The following PTPRT variants were observed in gnomAD, a reference collection of about 807,000 sequenced individuals.
PTPRT encodes protein tyrosine phosphatase receptor type T, also known as receptor-type tyrosine-protein phosphatase T.
In PTPRT, 56 loss-of-function variants were observed where a neutral mutation model predicts 176.8. The observed-to-expected ratio is 0.32, with a 90% CI of 0.26 to 0.40. PTPRT has a LOEUF of 0.40. Ranked by LOEUF, PTPRT falls within the 10% of genes least tolerant of loss-of-function variation. The probability of loss-of-function intolerance (pLI) is 1.00; values close to 1 mark genes in which losing one functional copy is unlikely to be tolerated. For missense variants in PTPRT, 1,540 were observed against 1,908.2 expected (o/e 0.81, Z 3.60); for synonymous variants, 783 against 739.0 (o/e 1.06, Z -0.96).
chr20:43,138,566 C>T (rs892746827), intron 1 of PTPRT, among the ~76,000 whole-genome samples: 1 of 152,178 alleles, frequency 6.6e-6, no homozygotes, highest in Non-Finnish European at 1.5e-5. Flanking sequence ...CAGGTGGGCC[C>T]CTCCATAAGT....
chr20:42,698,652 T>C (rs1005859418), intron 6 of PTPRT, among the ~76,000 whole-genome samples: 1 of 152,166 alleles, frequency 6.6e-6, no homozygotes, highest in Non-Finnish European at 1.5e-5. Context: ...TTGTCAAAAA[T>C]TCCCTAGTTG....
rs931945875 is a variant in PTPRT, at chr20:42,236,356, T to G, written c.2313-98A>C. 3 of 1,056,708 alleles carry G rather than the reference T, an allele frequency of 2.8e-6. No individual in the cohort carries two copies. The African/African-American group carries it at 4.8e-5, about 17-fold the overall frequency. The allele number at this position is 1,056,708 out of a possible 1,614,324, so 65.5% of individuals were successfully genotyped here. ...ATTAGATTTTTAATGAAATCTTGAT[T>G]CTTAGAAATGCACATATTATTTCAG... is the stretch of plus-strand genomic sequence containing the variant. On this transcript the variant is annotated intron_variant, in intron 14 of 30. Coordinates refer to ENST00000373187, the MANE Select transcript of PTPRT (RefSeq NM_007050.6).
chr20:42,573,877 T>C (rs1399113706), intron 7 of PTPRT, among the ~76,000 whole-genome samples: 1 of 151,034 alleles, frequency 6.6e-6, no homozygotes, highest in Admixed American at 6.6e-5. Flanking sequence ...GCCTCTGGAG[T>C]AGCTGGGATT....
At chr20:42,832,966 T>C (rs1464611466) in intron 2 of PTPRT, among the ~76,000 whole-genome samples, 1 of 151,978 alleles carries the variant, frequency 6.6e-6, no homozygotes, top group African/African-American at 2.4e-5. Context: ...GCCATGTGTA[T>C]GTAGTCCCAG....
intron 2 of PTPRT, among the ~76,000 whole-genome samples, chr20:42,846,499 C>T (rs192154096): frequency 2.4e-4 from 36 of 152,322 alleles, no homozygotes; most frequent in South Asian, 6.2e-4. Flanking sequence ...CATAAGCAAA[C>T]TACCACAGTA....
At chr20:43,047,092 C>T (rs888948951) in intron 1 of PTPRT, among the ~76,000 whole-genome samples, 1 of 151,978 alleles carries the variant, frequency 6.6e-6, no homozygotes, top group Non-Finnish European at 1.5e-5. Flanking sequence ...TCCCTCTTCC[C>T]CTCAGATCTA....
intron 21 of PTPRT, among the ~76,000 whole-genome samples, chr20:42,115,757 A>G (rs2146314184): frequency 6.6e-6 from 1 of 152,288 alleles, no homozygotes; most frequent in Middle Eastern, 3.4e-3. Flanking sequence ...GCAGCTGAGT[A>G]TCATCAGCTG....
chr20:42,410,803 T>C (rs574011083), intron 9 of PTPRT, among the ~76,000 whole-genome samples: 14 of 152,216 alleles, frequency 9.2e-5, no homozygotes, highest in Non-Finnish European at 2.1e-4. Context: ...TTGTAAATTA[T>C]ACAAAACACT....
At chr20:42,050,961 C>A in the PTPRT span, among the ~76,000 whole-genome samples, 11 of 152,306 alleles carry the variant, frequency 7.2e-5, no homozygotes, top group South Asian at 2.3e-3. Context: ...CTCAACTAGG[C>A]AGAGAAAAGC....
chr20:42,481,242 G>A (rs972895445), intron 7 of PTPRT, among the ~76,000 whole-genome samples: 4 of 152,156 alleles, frequency 2.6e-5, no homozygotes, highest in Non-Finnish European at 5.9e-5. Flanking sequence ...TGTTATGGAG[G>A]TAAAATAAAT....
intron 13 of PTPRT, among the ~76,000 whole-genome samples, chr20:42,273,558 GAC>G (rs1555812446): frequency 3.3e-5 from 5 of 152,188 alleles, no homozygotes; most frequent in Non-Finnish European, 7.3e-5. Context: ...GGGAAACAGA[GAC>G]ACAGAATAGT....
intron 6 of PTPRT, among the ~76,000 whole-genome samples, chr20:42,682,445 A>T (rs553095992): frequency 6.6e-6 from 1 of 152,332 alleles, no homozygotes; most frequent in South Asian, 2.1e-4. Flanking sequence ...TTTTTCAAAC[A>T]AGAGGTTGTT....
At chr20:42,951,405 G>A (rs544126985) in intron 1 of PTPRT, among the ~76,000 whole-genome samples, 22 of 151,334 alleles carry the variant, frequency 1.5e-4, no homozygotes, top group Non-Finnish European at 2.7e-4. Flanking sequence ...GGGGGGGTGG[G>A]TAAGCGAGTG....
intron 1 of PTPRT, among the ~76,000 whole-genome samples, chr20:43,186,018 C>T (rs903403348): frequency 1.3e-5 from 2 of 152,208 alleles, no homozygotes; most frequent in Non-Finnish European, 2.9e-5. Flanking sequence ...ATGCCCCACC[C>T]GCCTTGGCCT....
At chr20:42,780,824 C>G (rs2077203694) in intron 3 of PTPRT, among the ~76,000 whole-genome samples, 1 of 152,160 alleles carries the variant, frequency 6.6e-6, no homozygotes, top group African/African-American at 2.4e-5. Flanking sequence ...CTGTTGGTAT[C>G]CAGGAGTAGA....
intron 1 of PTPRT, among the ~76,000 whole-genome samples, chr20:42,901,018 G>GT (rs1486539067): frequency 6.6e-6 from 1 of 152,166 alleles, no homozygotes; most frequent in Non-Finnish European, 1.5e-5. Flanking sequence ...AGCAGAACAT[G>GT]TTCCATATGC....
intron 1 of PTPRT, among the ~76,000 whole-genome samples, chr20:43,044,599 T>A (rs558049737): frequency 6.6e-6 from 1 of 152,172 alleles, no homozygotes; most frequent in Non-Finnish European, 1.5e-5. Flanking sequence ...CCCTGCCGCA[T>A]GCCCTTGTTA....
chr20:42,464,186 G>T (rs1323758872), intron 8 of PTPRT, among the ~76,000 whole-genome samples: 1 of 151,958 alleles, frequency 6.6e-6, no homozygotes, highest in African/African-American at 2.4e-5. Flanking sequence ...CCCATAAATG[G>T]GACACTATGG....
At chr20:42,439,958 G>A (rs915882160) in intron 9 of PTPRT, among the ~76,000 whole-genome samples, 2 of 152,142 alleles carry the variant, frequency 1.3e-5, no homozygotes, top group African/African-American at 4.8e-5. Flanking sequence ...CCAGGCTGGA[G>A]TGCAGTGGCA....
Sources: allele counts gnomAD v4.1 joint callset (sites outside exome capture counted in the v4.1 genomes callset), GRCh38; gene constraint gnomAD v4.1.1; transcripts MANE v1.5; gene names NCBI Gene and HGNC (gene_info 2026-07-23, HGNC 2026-07-21).